The following LY96 variants were observed in gnomAD, a reference collection of about 807,000 sequenced individuals.
The protein encoded by LY96 is myeloid differentiation protein-2.
A neutral mutation model predicts 18.9 loss-of-function variants in LY96; 18 were observed. That is an observed-to-expected ratio of 0.95 (90% CI 0.66 to 1.41). The LOEUF (loss-of-function observed/expected upper bound fraction) is 1.41. LY96 is among the 40% of genes most tolerant of loss of function. The probability of loss-of-function intolerance (pLI) is 0.00; values close to 1 mark genes in which losing one functional copy is unlikely to be tolerated. For synonymous variants in LY96, 66 were observed against 62.6 expected (o/e 1.06, Z -0.26); for missense variants, 175 against 182.4 (o/e 0.96, Z 0.23).
At chr8:74,038,585 C>G in the LY96 span, among the ~76,000 whole-genome samples, 26 of 152,182 alleles carry the variant, frequency 1.7e-4, no homozygotes, top group African/African-American at 5.5e-4. Context: ...GAGATGGGGT[C>G]TTACTATATT....
At chr8:74,078,852 A>G in the LY96 span, among the ~76,000 whole-genome samples, 1 of 152,234 alleles carries the variant, frequency 6.6e-6, no homozygotes, top group South Asian at 2.1e-4. Context: ...TTTTAACAAT[A>G]CTATTCTGAA....
intron 3 of LY96, among the ~76,000 whole-genome samples, 199 bp downstream of exon 3, chr8:74,010,328 A>G (rs929459958): frequency 2.0e-5 from 3 of 152,154 alleles, no homozygotes; most frequent in African/African-American, 2.4e-5. Flanking sequence ...CATGATTTGT[A>G]TTATTAATAT....
the LY96 span, chr8:74,099,842 C>T: frequency 7.2e-5 from 11 of 152,068 alleles, no homozygotes; most frequent in African/African-American, 2.7e-4. Flanking sequence ...AAATAAAGCT[C>T]TTCTTTCTAA....
intron 1 of LY96, among the ~76,000 whole-genome samples, chr8:74,002,104 T>G (rs1343484503): frequency 9.5e-6 from 1 of 105,148 alleles, no homozygotes; most frequent in Non-Finnish European, 2.0e-5. Flanking sequence ...TCTCTCTCTC[T>G]CTCTCTCTCT....
the LY96 span, among the ~76,000 whole-genome samples, chr8:74,095,941 G>A: frequency 1.3e-5 from 2 of 152,104 alleles, no homozygotes; most frequent in South Asian, 4.1e-4. Context: ...GTCTGAAACT[G>A]AACTCTAGAT....
chr8:74,054,933 G>T, the LY96 span, among the ~76,000 whole-genome samples: 5 of 151,940 alleles, frequency 3.3e-5, no homozygotes, highest in Admixed American at 2.0e-4. Context: ...TTGATGCAGG[G>T]TCTCATTCTG....
At chr8:74,096,292 T>G in the LY96 span, among the ~76,000 whole-genome samples, 5 of 152,180 alleles carry the variant, frequency 3.3e-5, no homozygotes, top group African/African-American at 4.8e-5. Flanking sequence ...CCAATGAGGC[T>G]CTGCATGATC....
rs200999919 is a variant in LY96, at chr8:74,010,504, T to TA, written c.331+383dup. 8.3e-3 allele frequency among the ~76,000 whole-genome samples: 1,266 copies of TA among 151,858 alleles called. 74 individuals carry two copies. Among genetic ancestry groups the TA allele is most frequent in the Admixed American group, 0.074 (1,126 of 15,222 alleles). On this transcript the variant is annotated intron_variant, in intron 3 of 4. Coordinates refer to ENST00000284818, the MANE Select transcript of LY96 (RefSeq NM_015364.5). ...TAAAAAAATAAAAAATAAAAATGAA[T>TA]AAAAAAAAGGAATTACCACTTTAGA...
the LY96 span, among the ~76,000 whole-genome samples, chr8:74,038,999 T>A: frequency 2.0e-5 from 3 of 152,236 alleles, no homozygotes; most frequent in Admixed American, 6.5e-5. Context: ...ACACCAACAG[T>A]GTATGAAGGT....
the LY96 span, among the ~76,000 whole-genome samples, chr8:74,042,793 T>G: frequency 6.6e-6 from 1 of 151,836 alleles, no homozygotes; most frequent in Non-Finnish European, 1.5e-5. Flanking sequence ...TTTTTTTTTT[T>G]TCGAGACAGA....
At chr8:74,088,090 G>A in the LY96 span, among the ~76,000 whole-genome samples, 64 of 115,290 alleles carry the variant, frequency 5.6e-4, no homozygotes, top group African/African-American at 1.0e-3. Context: ...GAGAAGAATA[G>A]AATAGAATAG....
At chr8:74,046,525 G>C in the LY96 span, among the ~76,000 whole-genome samples, 482 of 152,162 alleles carry the variant, frequency 3.2e-3, 6 homozygotes, top group African/African-American at 0.011. Context: ...CATACCAAAA[G>C]GTACTCTTCT....
At chr8:74,034,317 A>T in the LY96 span, among the ~76,000 whole-genome samples, 1 of 152,142 alleles carries the variant, frequency 6.6e-6, no homozygotes, top group Non-Finnish European at 1.5e-5. Flanking sequence ...GGTTGCAGTG[A>T]GCCAAGAACA....
chr8:74,076,913 A>G, the LY96 span, among the ~76,000 whole-genome samples: 6 of 152,194 alleles, frequency 3.9e-5, no homozygotes, highest in East Asian at 1.9e-4. Flanking sequence ...GACTGCCCCT[A>G]CTTCAGATGT....
At chr8:74,024,830 A>G (rs1816836067) in intron 3 of LY96, among the ~76,000 whole-genome samples, 1 of 151,950 alleles carries the variant, frequency 6.6e-6, no homozygotes, top group Non-Finnish European at 1.5e-5. Flanking sequence ...TTTTATTTTA[A>G]TTTAATGTAT....
At chr8:74,069,542 A>T in the LY96 span, among the ~76,000 whole-genome samples, 1 of 152,148 alleles carries the variant, frequency 6.6e-6, no homozygotes, top group African/African-American at 2.4e-5. Context: ...CATCCACCTA[A>T]CACTTTTAAA....
chr8:74,093,756 T>A, the LY96 span, among the ~76,000 whole-genome samples: 1 of 152,182 alleles, frequency 6.6e-6, no homozygotes, highest in African/African-American at 2.4e-5. Context: ...CATGCTTACA[T>A]CTTGTGTGGA....
the LY96 span, among the ~76,000 whole-genome samples, chr8:74,039,939 C>T: frequency 6.6e-6 from 1 of 152,128 alleles, no homozygotes; most frequent in East Asian, 1.9e-4. Context: ...GCAGAGTGTT[C>T]CCTGACTCCT....
the LY96 span, among the ~76,000 whole-genome samples, chr8:74,048,943 C>T: frequency 2.6e-5 from 4 of 152,076 alleles, no homozygotes; most frequent in Admixed American, 6.5e-5. Flanking sequence ...TACACTCAGC[C>T]GTAAGGGAGG....
Sources: allele counts gnomAD v4.1 joint callset (sites outside exome capture counted in the v4.1 genomes callset), GRCh38; gene constraint gnomAD v4.1.1; transcripts MANE v1.5; gene names NCBI Gene and HGNC (gene_info 2026-07-23, HGNC 2026-07-21).